Variants in DNAH1 observed in about 807,000 individuals in gnomAD.
DNAH1 encodes axonemal beta dynein heavy chain 1.
In DNAH1, 327 loss-of-function variants were observed where a neutral mutation model predicts 484.3. That is an observed-to-expected ratio of 0.68 (90% CI 0.62 to 0.74). DNAH1 has a LOEUF of 0.74. Among genes scored for constraint, DNAH1 ranks in the 30% least tolerant of loss-of-function variants. The pLI is 0.00. For synonymous variants in DNAH1, 2,192 were observed against 2,191.9 expected (o/e 1.00, Z 0.00); for missense variants, 5,052 against 5,546.8 (o/e 0.91, Z 2.83).
intron 3 of DNAH1, among the ~76,000 whole-genome samples, chr3:52,325,598 C>A (rs1701306917): frequency 6.6e-6 from 1 of 152,222 alleles, no homozygotes; most frequent in African/African-American, 2.4e-5. Flanking sequence ...GGAATGGAAG[C>A]CTCTGTATAC....
In DNAH1 at chr3:52,378,509, G is replaced by A. The variant is rs117082470; in HGVS notation, c.7199-93G>A. 4.4e-6 allele frequency: 6 copies of A among 1,361,912 alleles called. No individual in the cohort carries two copies. In the East Asian group the frequency reaches 1.1e-4, roughly 26 times the overall value. 84.4% of individuals were successfully genotyped at this position (1,361,912 alleles called of 1,614,324 possible). A position where few individuals can be genotyped will look rare whatever the true frequency, so the allele number is the denominator to read the frequency against. Reference sequence around the variant, plus strand: ...GGCTGGGGAAGGGGCTTGGTGGGGGGCACAGCACAGCAAAGGCAAGGAGGT... The same window carrying A: ...GGCTGGGGAAGGGGCTTGGTGGGGGACACAGCACAGCAAAGGCAAGGAGGT... On this transcript the variant is annotated intron_variant, in intron 46 of 77. Transcript: ENST00000420323.
Position 52,368,690 on chromosome 3 carries a change from C to A in DNAH1, c.5766-51C>A. The stretch of plus-strand genomic sequence containing the variant: ...GGCTTCCCTGGGAGCCAGCTGTGCT[C>A]GAAGCACCGCCTCCCTGATGTTTCC... On this transcript the variant is annotated intron_variant, in intron 36 of 77. Transcript: ENST00000420323. The surrounding 1 kb of genome is among the most constrained non-coding windows in gnomAD (Gnocchi z 4.4). 6.3e-7 allele frequency: 1 copy of A among 1,576,024 alleles called. No individual in the cohort carries two copies. The highest frequency in any genetic ancestry group is 1.1e-5 in the South Asian group (1 of 87,732).
intron 17 of DNAH1, among the ~76,000 whole-genome samples, 162 bp downstream of exon 17, chr3:52,352,265 A>G (rs983147576): frequency 1.1e-4 from 17 of 152,194 alleles, no homozygotes; most frequent in African/African-American, 4.1e-4. Flanking sequence ...AATGAACGCA[A>G]AGGCCAAAGA....
Position 52,326,890 on chromosome 3 carries a change from A to G in DNAH1, c.737A>G (p.Lys246Arg). ...DPIFPIYLPL[K>R]VFDNEDFDCR... ...ATCTTCCCCATCTACCTCCCACTGA[A>G]GGTGAGCCGGGCTTCCACAGATGGT... Residue 246 changes from lysine (K) to arginine (R), a missense_variant and splice_region_variant, in exon 5 of 78, where the codon AAG (lysine) becomes AGG (arginine). Lys to Arg is a conservative substitution (Grantham distance 26). Coordinates refer to ENST00000420323, the MANE Select transcript of DNAH1 (RefSeq NM_015512.5). The G allele has an allele frequency of 1.2e-6, 2 of 1,612,012 alleles. No homozygotes were observed. Among genetic ancestry groups the G allele is most frequent in the Non-Finnish European group, 1.7e-6 (2 of 1,178,906 alleles).
chr3:52,350,051 G>T lies in DNAH1; in HGVS notation c.2589G>T (p.Glu863Asp). The T allele has an allele frequency of 6.2e-7, 1 of 1,613,298 alleles. No homozygotes were observed. The highest frequency in any genetic ancestry group is 8.5e-7 in the Non-Finnish European group (1 of 1,179,778). ...ATGAGAAGCCCAACAGCATTGAGGA[G>T]CTGGCTGAGCTGCGAGAGTGGATGA... Reference protein sequence around the residue: ...KIYEKPNSIEELAELREWMKG... With the variant: ...KIYEKPNSIEDLAELREWMKG... The change falls in exon 15 of 78, where the codon GAG becomes GAT. Residue 863 changes from glutamate to aspartate, a missense_variant. Physicochemically the swap from Glu to Asp is conservative, Grantham distance 45. Coordinates refer to ENST00000420323, the MANE Select transcript of DNAH1 (RefSeq NM_015512.5).
chr3:52,386,131 G>A (rs1386149246), intron 54 of DNAH1, 29 bp from the exon 55 acceptor site: 7 of 1,594,738 alleles, frequency 4.4e-6, no homozygotes, highest in South Asian at 1.1e-5. Flanking sequence ...GAAAAGGGGG[G>A]AGGACATCCC....
chr3:52,365,998 C>G (rs1703058689), intron 34 of DNAH1, among the ~76,000 whole-genome samples: 2 of 152,242 alleles, frequency 1.3e-5, no homozygotes, highest in African/African-American at 4.8e-5. Context: ...CAAAGTGAGG[C>G]ATTTATTCCC....
At chr3:52,339,475 C>G (rs1701852546) in intron 8 of DNAH1, among the ~76,000 whole-genome samples, 1 of 152,036 alleles carries the variant, frequency 6.6e-6, no homozygotes, top group African/African-American at 2.4e-5. Flanking sequence ...ATTTCTGATT[C>G]AAGGTGGTTT....
intron 66 of DNAH1, 48 bp from the exon 67 acceptor site, chr3:52,394,417 A>T: frequency 6.3e-7 from 1 of 1,593,236 alleles, no homozygotes; most frequent in East Asian, 2.2e-5. Flanking sequence ...CCAGAGCAGG[A>T]GGAGCTGGCC....
At position 52,355,064 on chromosome 3, in the gene DNAH1, T is replaced by C; in HGVS notation, c.3693+9T>C. 6.2e-7 allele frequency: 1 copy of C among 1,611,412 alleles called. No individual in the cohort carries two copies. On this transcript the variant is annotated intron_variant, in intron 21 of 77. Coordinates refer to ENST00000420323, the MANE Select transcript of DNAH1 (RefSeq NM_015512.5). This position sits in a 1 kb window ranked among gnomAD's most constrained non-coding sequence, Gnocchi z 4.5. The stretch of plus-strand genomic sequence containing the variant: ...AACTGAAGCTGACCCAGGTCGGCCC[T>C]CCCCCCAGTCCTTCCCTCATCGCTC...
rs201341155 is a variant in DNAH1 at position 52,384,737 on chromosome 3, C to T, written c.8323-49C>T. ...GTGGCTGTGGGCACCCAGTCCCTGT[C>T]TTTCCTGGGGCCTCTACCAGGCCGG... is the stretch of plus-strand genomic sequence containing the variant. On this transcript the variant is annotated intron_variant, in intron 52 of 77. Coordinates refer to ENST00000420323, the MANE Select transcript of DNAH1 (RefSeq NM_015512.5). 5.5e-4 allele frequency: 822 copies of T among 1,503,922 alleles called. 1 individual carries two copies. The highest frequency in any genetic ancestry group is 6.6e-4 in the Non-Finnish European group (746 of 1,124,910). The allele number at this position is 1,503,922 out of a possible 1,614,324, so 93.2% of individuals were successfully genotyped here.
In DNAH1 at chr3:52,397,894, T is replaced by A; in HGVS notation, c.11958+17T>A. The A allele has an allele frequency of 6.3e-7, 1 of 1,590,054 alleles. No individual in the cohort carries two copies. The highest frequency in any genetic ancestry group is 1.7e-5 in the Admixed American group (1 of 58,420). ...CGGGAGGAGGTGGGTGGTGTCAGAG[T>A]AAGGGGCCCAAGGGCTGGACGGGCT... is the stretch of plus-strand genomic sequence containing the variant. On this transcript the variant is annotated intron_variant, in intron 74 of 77. Coordinates refer to ENST00000420323, the MANE Select transcript of DNAH1 (RefSeq NM_015512.5).
In DNAH1 at chr3:52,398,856, TC is replaced by T; in HGVS notation, c.12097del (p.Arg4033GlyfsTer5). 1 of 1,541,160 alleles carries T rather than the reference TC, an allele frequency of 6.5e-7. No individual in the cohort carries two copies. The highest frequency in any genetic ancestry group is 8.8e-7 in the Non-Finnish European group (1 of 1,140,920). ...CTTGCCACTGGCCTCACAGGTACAATCGGCTGCTGCAGGTGATCACACAGAC... is the reference window on the plus strand; with the variant it reads ...CTTGCCACTGGCCTCACAGGTACAATGGCTGCTGCAGGTGATCACACAGAC... The part of the protein sequence containing the change: ...VLVQEVIRYN[R>X]LLQVITQTLQ... On this transcript the variant is annotated frameshift_variant, in exon 76 of 78. Coordinates refer to ENST00000420323, the MANE Select transcript of DNAH1 (RefSeq NM_015512.5). LOFTEE classifies it high-confidence loss of function.
At chr3:52,349,140 C>G (rs1392596903) in intron 13 of DNAH1, 55 bp from the exon 14 acceptor site, 7 of 1,611,494 alleles carry the variant, frequency 4.3e-6, no homozygotes, top group Non-Finnish European at 5.1e-6. Flanking sequence ...ATGTGTATCC[C>G]CTGCCCACCC....
rs778326996 is a variant in DNAH1, at chr3:52,358,540, C to G, written c.4087-18C>G. 20 of 1,591,674 alleles carry G rather than the reference C, an allele frequency of 1.3e-5. 1 individual carries two copies. In the South Asian group the frequency reaches 2.2e-4, roughly 17 times the overall value. Reference sequence around the variant, plus strand: ...GCACACCAGGGTGACCCCACTCCTGCTCCTCCACTGCTTGCAGCTGCTATT... The same window carrying G: ...GCACACCAGGGTGACCCCACTCCTGGTCCTCCACTGCTTGCAGCTGCTATT... On this transcript the variant is annotated intron_variant, in intron 24 of 77. Coordinates refer to ENST00000420323, the MANE Select transcript of DNAH1 (RefSeq NM_015512.5). This position sits in a 1 kb window ranked among gnomAD's most constrained non-coding sequence, Gnocchi z 4.2.
rs1186802816 is a variant in DNAH1, at chr3:52,372,973, A to G, written c.6905A>G (p.Glu2302Gly). The change falls in exon 44 of 78, where the codon GAG becomes GGG. Residue 2302 changes from glutamate (E) to glycine (G), a missense_variant. Glu to Gly is a moderately conservative substitution (Grantham distance 98). Transcript: ENST00000420323. ...GATGACCTGAACATGCCGGCCCTGGAGACCTACGGTGCACAGCCACCCATC... is the reference window on the plus strand; with the variant it reads ...GATGACCTGAACATGCCGGCCCTGGGGACCTACGGTGCACAGCCACCCATC... ...FIDDLNMPAL[E>G]TYGAQPPIEL... 1.2e-6 allele frequency: 2 copies of G among 1,613,690 alleles called. No individual in the cohort carries two copies. Among genetic ancestry groups the G allele is most frequent in the Non-Finnish European group, 1.7e-6 (2 of 1,179,858 alleles).
intron 44 of DNAH1, chr3:52,374,155 C>T (rs1386891754): frequency 2.7e-5 from 34 of 1,251,632 alleles, no homozygotes; most frequent in Non-Finnish European, 3.8e-5. Flanking sequence ...TGAGAGCTTA[C>T]ATCAGAAAAC....
chr3:52,369,016 T>C, intron 37 of DNAH1, 98 bp downstream of exon 37: 1 of 1,379,342 alleles, frequency 7.2e-7, no homozygotes, highest in Admixed American at 1.9e-5. Context: ...CCCCTTTCTC[T>C]CAGGGCCATG....
intron 34 of DNAH1, among the ~76,000 whole-genome samples, chr3:52,365,245 C>T (rs1703026289): frequency 6.6e-6 from 1 of 152,218 alleles, no homozygotes; most frequent in Admixed American, 6.5e-5. Context: ...TTGTCCCCTT[C>T]CTAGGCCCTC....
Sources: gnomAD v4.1 joint callset for allele counts (sites outside exome capture counted in the v4.1 genomes callset) on GRCh38, gnomAD v4.1.1 for gene constraint, Gnocchi (gnomAD v3.1) non-coding constraint, MANE v1.5 for transcripts, NCBI Gene and HGNC (gene_info 2026-07-23, HGNC 2026-07-21) for gene names.